The following SYCP2L variants were observed in gnomAD, a reference collection of about 807,000 sequenced individuals.
SYCP2L encodes the protein synaptonemal complex protein 2 like.
In SYCP2L, 98 loss-of-function variants were observed where a neutral mutation model predicts 125.8. That is an observed-to-expected ratio of 0.78 (90% confidence interval 0.66 to 0.92). The LOEUF (loss-of-function observed/expected upper bound fraction) is 0.92, where lower values mean the gene tolerates loss of function less well. SYCP2L is among the 40% of genes least tolerant of loss of function. The pLI is 0.00. For missense variants in SYCP2L, 842 were observed against 936.4 expected, an observed-to-expected ratio of 0.90 and a Z score of 1.32; for synonymous variants, 317 against 325.4, an observed-to-expected ratio of 0.97 and a Z score of 0.28.
At chr6:10,906,534 A>G (rs1449424303) in intron 9 of SYCP2L, among the ~76,000 whole-genome samples, 7 of 151,870 alleles carry the variant, frequency 4.6e-5, no homozygotes, top group African/African-American at 1.7e-4. Flanking sequence ...ATGTTGCTAC[A>G]TGTAGTTTTA....
Position 10,924,566 on chromosome 6 carries a change from G to A in SYCP2L, c.1143G>A (p.Met381Ile). The A allele has an allele frequency of 6.2e-7, 1 of 1,605,636 alleles. No homozygotes were observed. Among genetic ancestry groups the A allele is most frequent in the South Asian group, 1.1e-5 (1 of 88,544 alleles). ...TGATTATCAGCTACAAAGAAGTCAT[G>A]AAAATAGAAATCCATTTTGATTTGC... is the stretch of plus-strand genomic sequence containing the variant. ...KPMIISYKEV[M>I]KIEIHFDLQF... Residue 381 changes from methionine (M) to isoleucine (I), a missense_variant, in exon 15 of 30, where the codon ATG (methionine) becomes ATA (isoleucine). Physicochemically the swap from Met to Ile is conservative, Grantham distance 10. Transcript: ENST00000283141.
intron 21 of SYCP2L, among the ~76,000 whole-genome samples, chr6:10,939,456 C>T (rs188432424): frequency 6.0e-4 from 91 of 152,314 alleles, no homozygotes; most frequent in South Asian, 1.2e-3. Flanking sequence ...GGAGGCATCA[C>T]ACTTTCTGAT....
intron 21 of SYCP2L, 104 bp downstream of exon 21, chr6:10,935,291 T>G (rs1328756601): frequency 8.5e-7 from 1 of 1,180,124 alleles, no homozygotes. Flanking sequence ...AAAGAAAATA[T>G]GAAGATAACA....
chr6:10,901,021 A>G (rs1188666240), intron 6 of SYCP2L, among the ~76,000 whole-genome samples: 3 of 152,346 alleles, frequency 2.0e-5, no homozygotes, highest in South Asian at 4.1e-4. Flanking sequence ...TGACACAATT[A>G]ATCACTCCTT....
intron 5 of SYCP2L, 29 bp downstream of exon 5, chr6:10,898,144 C>A: frequency 6.9e-7 from 1 of 1,453,630 alleles, no homozygotes; most frequent in Non-Finnish European, 9.7e-7. Context: ...CTTCACTGAG[C>A]AGATGCCATT....
chr6:10,922,567 G>T (rs1456379676), intron 14 of SYCP2L: 1 of 151,430 alleles, frequency 6.6e-6, no homozygotes, highest in Non-Finnish European at 1.5e-5. Context: ...CCGGGTTCAC[G>T]CCATTCTTCT....
At chr6:10,959,630 G>T (rs1342549833) in intron 26 of SYCP2L, among the ~76,000 whole-genome samples, 1 of 152,160 alleles carries the variant, frequency 6.6e-6, no homozygotes, top group African/African-American at 2.4e-5. Flanking sequence ...GGTACTTTGG[G>T]AGGCTGAGGT....
intron 6 of SYCP2L, among the ~76,000 whole-genome samples, chr6:10,901,946 C>G (rs550086975): frequency 2.6e-5 from 4 of 152,298 alleles, no homozygotes; most frequent in South Asian, 2.1e-4. Context: ...TGGTTGCAAC[C>G]AGAACTTTGT....
At position 10,932,582 on chromosome 6, in the gene SYCP2L, C is replaced by A. The variant is rs552096258; in HGVS notation, c.1683+1093C>A. 3.3e-5 allele frequency among the ~76,000 whole-genome samples: 5 copies of A among 152,226 alleles called. No homozygotes were observed. In the East Asian group the frequency reaches 9.6e-4, roughly 29 times the overall value. ...TTGCCCTCTGTCCACCTGAAGGGCT[C>A]TCATGCTCTGTAAGGAGAGGGGTGG... On this transcript the variant is annotated intron_variant, in intron 20 of 29. Coordinates refer to ENST00000283141, the MANE Select transcript of SYCP2L (RefSeq NM_001040274.3).
At chr6:10,972,666 G>A (rs1781793766) in intron 29 of SYCP2L, among the ~76,000 whole-genome samples, 1 of 152,160 alleles carries the variant, frequency 6.6e-6, no homozygotes, top group African/African-American at 2.4e-5. Flanking sequence ...AAAGATGTAT[G>A]CCAACATCCT....
intron 25 of SYCP2L, among the ~76,000 whole-genome samples, chr6:10,956,485 G>T (rs1781504332): frequency 6.6e-6 from 1 of 152,150 alleles, no homozygotes; most frequent in Admixed American, 6.5e-5. Flanking sequence ...CTAACATACA[G>T]CATGGTGACT....
intron 21 of SYCP2L, among the ~76,000 whole-genome samples, chr6:10,937,501 A>T (rs1166564269): frequency 6.6e-6 from 1 of 152,130 alleles, no homozygotes; most frequent in Non-Finnish European, 1.5e-5. Context: ...ATCCCAAGTA[A>T]CTTCACCCCT....
intron 23 of SYCP2L, among the ~76,000 whole-genome samples, chr6:10,946,441 C>G (rs1339337604): frequency 6.6e-6 from 1 of 151,906 alleles, no homozygotes; most frequent in African/African-American, 2.4e-5. Context: ...ACTTTTCCTC[C>G]AGATTATATA....
At chr6:10,935,468 T>C (rs544510545) in intron 21 of SYCP2L, among the ~76,000 whole-genome samples, 1 of 152,040 alleles carries the variant, frequency 6.6e-6, no homozygotes, top group African/African-American at 2.4e-5. Flanking sequence ...TTGGTAAACA[T>C]TTTTTGTAAG....
chr6:10,907,795 T>C, intron 10 of SYCP2L, 111 bp downstream of exon 10: 2 of 1,011,806 alleles, frequency 2.0e-6, no homozygotes, highest in African/African-American at 1.6e-5. Flanking sequence ...TAAGTGTGAT[T>C]ACACTGCCAT....
chr6:10,958,506 G>T (rs1454984459), intron 25 of SYCP2L, among the ~76,000 whole-genome samples: 1 of 152,122 alleles, frequency 6.6e-6, no homozygotes, highest in Non-Finnish European at 1.5e-5. Flanking sequence ...CAGTATCGGG[G>T]ATTACATTTC....
At chr6:10,892,439 A>T (rs1225342566) in intron 2 of SYCP2L, among the ~76,000 whole-genome samples, 1 of 152,136 alleles carries the variant, frequency 6.6e-6, no homozygotes, top group Non-Finnish European at 1.5e-5. Flanking sequence ...AGCTGTGACT[A>T]CAGCCATGAA....
chr6:10,910,018 T>A (rs1440750384), intron 10 of SYCP2L, 130 bp from the exon 11 acceptor site: 6 of 667,520 alleles, frequency 9.0e-6, no homozygotes, highest in Non-Finnish European at 1.5e-5. Context: ...AACAAATCCT[T>A]GTAAAGCCTC....
rs1554106379 is a variant in SYCP2L, at chr6:10,927,372, G to T, written c.1440+5G>T. On this transcript the variant is annotated splice_donor_5th_base_variant and intron_variant, in intron 17 of 29. Coordinates refer to ENST00000283141, the MANE Select transcript of SYCP2L (RefSeq NM_001040274.3). ...GAACCTGCCTCTGATAGTCACGTAG[G>T]TTCTTTTCTATTTTCCCTAAGCATC... is the stretch of plus-strand genomic sequence containing the variant. 4 of 1,606,758 alleles carry T rather than the reference G, an allele frequency of 2.5e-6. No homozygotes were observed. Among genetic ancestry groups the T allele is most frequent in the Non-Finnish European group, 3.4e-6 (4 of 1,175,008 alleles).
Sources: allele counts gnomAD v4.1 joint callset (sites outside exome capture counted in the v4.1 genomes callset), GRCh38; gene constraint gnomAD v4.1.1; transcripts MANE v1.5; gene names NCBI Gene and HGNC (gene_info 2026-07-23, HGNC 2026-07-21).